SLC12A7: variants seen among roughly 807,000 people sequenced by gnomAD.
The protein encoded by SLC12A7 is solute carrier family 12 member 7.
A neutral mutation model predicts 120.6 loss-of-function variants in SLC12A7; 100 were observed. The ratio of observed to expected loss-of-function variants is 0.83; its 90% confidence interval spans 0.71 to 0.98. The LOEUF (loss-of-function observed/expected upper bound fraction) is 0.98, where lower values mean the gene tolerates loss of function less well. Ranked by LOEUF, SLC12A7 falls within the 50% of genes least tolerant of loss-of-function variation. The probability of loss-of-function intolerance (pLI) is 0.00; values close to 1 mark genes in which losing one functional copy is unlikely to be tolerated. For missense variants in SLC12A7, 1,373 were observed against 1,548.1 expected, an observed-to-expected ratio of 0.89 and a Z score of 1.90; for synonymous variants, 760 against 678.0, an observed-to-expected ratio of 1.12 and a Z score of -1.88.
At chr5:1,053,589 CTG>C (rs900924035) in intron 22 of SLC12A7, 107 bp from the exon 23 acceptor site, 6 of 1,394,408 alleles carry the variant, frequency 4.3e-6, no homozygotes, top group Admixed American at 2.1e-5. Context: ...TTGGAAAGGG[CTG>C]TGTGAGTCAG....
chr5:1,085,133 G>A, intron 7 of SLC12A7, 99 bp downstream of exon 7: 1 of 1,499,000 alleles, frequency 6.7e-7, no homozygotes, highest in Non-Finnish European at 9.0e-7. Context: ...CCCTTGCGGG[G>A]AGCTCGGCGT....
At chr5:1,080,057 G>A (rs879751355) in intron 9 of SLC12A7, among the ~76,000 whole-genome samples, 4 of 152,204 alleles carry the variant, frequency 2.6e-5, no homozygotes, top group Admixed American at 6.5e-5. Flanking sequence ...CATCCAAGGC[G>A]CAGCCTGAAG....
chr5:1,088,419 A>G (rs1740127790), intron 4 of SLC12A7, 59 bp from the exon 5 acceptor site: 1 of 1,522,322 alleles, frequency 6.6e-7, no homozygotes, highest in African/African-American at 1.4e-5. Flanking sequence ...CGGCATCGCA[A>G]CACTCCCAAG....
At chr5:1,076,325 T>G in intron 13 of SLC12A7, 89 bp from the exon 14 acceptor site, 1 of 1,042,282 alleles carries the variant, frequency 9.6e-7, no homozygotes, top group South Asian at 1.5e-5. Context: ...CTTGTCACTG[T>G]CCCTCCCACC....
intron 17 of SLC12A7, among the ~76,000 whole-genome samples, chr5:1,066,376 G>C (rs544054630): frequency 6.6e-6 from 1 of 152,152 alleles, no homozygotes; most frequent in Non-Finnish European, 1.5e-5. Context: ...TGGGAGCTCC[G>C]AGCAATGAGA....
At position 1,051,029 on chromosome 5, in the gene SLC12A7, G is replaced by GT. The variant is rs1490149129; in HGVS notation, c.*1330dup. On this transcript the variant is annotated 3_prime_UTR_variant, in exon 24 of 24. Coordinates refer to ENST00000264930, the MANE Select transcript of SLC12A7 (RefSeq NM_006598.3). Reference sequence around the variant, plus strand: ...TCTTTATGGACAACCTTGTTACCACGTAACTCCCTGGGGTGTTTAAATAAA... The same window carrying GT: ...TCTTTATGGACAACCTTGTTACCACGTTAACTCCCTGGGGTGTTTAAATAAA... 5.0e-6 allele frequency: 2 copies of GT among 396,908 alleles called. No individual in the cohort carries two copies. Among genetic ancestry groups the GT allele is most frequent in the African/African-American group, 2.1e-5 (1 of 47,302 alleles). 24.6% of individuals were successfully genotyped at this position (396,908 alleles called of 1,614,324 possible).
chr5:1,060,253 C>T (rs375853507), intron 21 of SLC12A7, 91 bp downstream of exon 21: 12 of 967,314 alleles, frequency 1.2e-5, no homozygotes, highest in Middle Eastern at 3.2e-4. Flanking sequence ...GGAGGACCCT[C>T]GTGGGCTGCA....
intron 22 of SLC12A7, among the ~76,000 whole-genome samples, chr5:1,054,438 C>T (rs956666077): frequency 6.6e-6 from 1 of 152,166 alleles, no homozygotes; most frequent in Non-Finnish European, 1.5e-5. Context: ...CTCTACCCCA[C>T]GGTCCCCTCC....
intron 17 of SLC12A7, among the ~76,000 whole-genome samples, chr5:1,069,145 G>A (rs968876347): frequency 6.6e-6 from 1 of 152,262 alleles, no homozygotes; most frequent in African/African-American, 2.4e-5. Context: ...GGAAGGCCCA[G>A]AGCATCTCCT....
At chr5:1,078,390 T>TG (rs1738607517) in intron 11 of SLC12A7, 3 of 553,414 alleles carry the variant, frequency 5.4e-6, no homozygotes, top group Non-Finnish European at 9.6e-6. Context: ...CTTCTCCACT[T>TG]GCCAGCAGGG....
upstream of SLC12A7, among the ~76,000 whole-genome samples, chr5:1,112,788 G>C (rs1743140570): frequency 6.7e-6 from 1 of 149,514 alleles, no homozygotes; most frequent in Non-Finnish European, 1.5e-5. Flanking sequence ...AACTCCAGTG[G>C]AAGGAGCCTT....
chr5:1,073,527 A>G, intron 17 of SLC12A7, 106 bp downstream of exon 17: 2 of 1,262,050 alleles, frequency 1.6e-6, no homozygotes, highest in Non-Finnish European at 2.2e-6. Context: ...CAGCAGCGCC[A>G]CGCACAGCAC....
Position 1,060,269 on chromosome 5 carries a change from G to A in SLC12A7, c.2847+75C>T, listed in dbSNP as rs535526270. On this transcript the variant is annotated intron_variant, in intron 21 of 23. Coordinates refer to ENST00000264930, the MANE Select transcript of SLC12A7 (RefSeq NM_006598.3). ...GAGGACCCTCGTGGGCTGCAGGAGGGTCCCAGAAAAGACTCGGCGAAGTCG... is the reference window on the plus strand; with the variant it reads ...GAGGACCCTCGTGGGCTGCAGGAGGATCCCAGAAAAGACTCGGCGAAGTCG... 15 of 1,129,688 alleles carry A rather than the reference G, an allele frequency of 1.3e-5. No individual in the cohort carries two copies. The Admixed American group carries it at 2.4e-4, about 18-fold the overall frequency. The allele number at this position is 1,129,688 out of a possible 1,614,324, so 70.0% of individuals were successfully genotyped here. A position where few individuals can be genotyped will look rare whatever the true frequency, so the allele number is the denominator to read the frequency against.
In SLC12A7 at chr5:1,080,016, G is replaced by A. The variant is rs531399665; in HGVS notation, c.1298-520C>T. 1.1e-4 allele frequency among the ~76,000 whole-genome samples: 17 copies of A among 152,336 alleles called. No individual in the cohort carries two copies. The East Asian group carries it at 1.7e-3, about 16-fold the overall frequency. ...CTACAAAGCTCTGGGAAGCCGGGTC[G>A]GTGGGGGCCACTTCACGCCTGGCTC... On this transcript the variant is annotated intron_variant, in intron 9 of 23. Coordinates refer to ENST00000264930, the MANE Select transcript of SLC12A7 (RefSeq NM_006598.3).
intron 1 of SLC12A7, among the ~76,000 whole-genome samples, chr5:1,096,504 C>A (rs1352603712): frequency 6.6e-6 from 1 of 151,844 alleles, no homozygotes; most frequent in Non-Finnish European, 1.5e-5. Context: ...AGGGCCCTTC[C>A]CCACTCCTCT....
rs1290836702 is a variant in SLC12A7, at chr5:1,065,925, G to A, written c.2242-447C>T. On this transcript the variant is annotated intron_variant, in intron 17 of 23. Coordinates refer to ENST00000264930, the MANE Select transcript of SLC12A7 (RefSeq NM_006598.3). ...ATGCAGCACCCTAACAGCAACGGCG[G>A]GGGGCGGGGGTGGGGGACTGCCGTG... 3.3e-5 allele frequency among the ~76,000 whole-genome samples: 5 copies of A among 152,156 alleles called. No individual in the cohort carries two copies. In the East Asian group the frequency reaches 9.6e-4, roughly 29 times the overall value.
In SLC12A7 at chr5:1,081,704, C is replaced by T; in HGVS notation, c.1170G>A (p.Val390=). The T allele has an allele frequency of 6.2e-7, 1 of 1,613,036 alleles. No individual in the cohort carries two copies. Among genetic ancestry groups the T allele is most frequent in the Non-Finnish European group, 8.5e-7 (1 of 1,179,962 alleles). ...GCACCGAGGGCACACCTTTCTTCTC[C>T]ACAAACGCCCCCGCGTGCGCGTACG... ...WSTYAHAGAF[V]EKKGVPSVPV... Residue 390 remains valine, a synonymous_variant, in exon 9 of 24, where the codon GTG becomes GTA. Coordinates refer to ENST00000264930, the MANE Select transcript of SLC12A7 (RefSeq NM_006598.3).
chr5:1,057,643 G>A lies in SLC12A7; in HGVS notation c.2854C>T (p.Leu952=). The change falls in exon 22 of 24, where the codon CTG becomes TTG. Residue 952 remains leucine, a synonymous_variant. Transcript: ENST00000264930. ...SKNEQEREAQ[L]IHDRNTASHT... is the part of the protein sequence containing the mutation. ...GACGCGGTGTTCCTGTCGTGGATCA[G>A]CTGGGCCTGGCGGGCCCGGGACTTG... 7.5e-6 allele frequency: 12 copies of A among 1,596,912 alleles called. No homozygotes were observed. The highest frequency in any genetic ancestry group is 1.0e-5 in the Non-Finnish European group (12 of 1,178,310).
rs1027558417 is a variant in SLC12A7 at position 1,059,369 on chromosome 5, C to T, written c.2847+975G>A. Among the ~76,000 whole-genome samples the T allele has an allele frequency of 5.9e-5, 9 of 152,226 alleles. 1 individual carries two copies. Among genetic ancestry groups the T allele is most frequent in the Non-Finnish European group, 1.5e-5 (1 of 68,048 alleles). The stretch of plus-strand genomic sequence containing the variant: ...GCCCCACACGCAGACCCGTGTACTG[C>T]AGGTTCCTGCTGAGGCCAAGGCCCC... On this transcript the variant is annotated intron_variant, in intron 21 of 23. Transcript: ENST00000264930.
Sources: gnomAD v4.1 joint callset for allele counts (sites outside exome capture counted in the v4.1 genomes callset) on GRCh38, gnomAD v4.1.1 for gene constraint, MANE v1.5 for transcripts, NCBI Gene and HGNC (gene_info 2026-07-23, HGNC 2026-07-21) for gene names.